The following LRP1B variants were observed in gnomAD, a reference collection of about 807,000 sequenced individuals.
The protein encoded by LRP1B is LDL receptor related protein 1B.
In LRP1B, 217 loss-of-function variants were observed where a neutral mutation model predicts 556.6. That is an observed-to-expected ratio of 0.39 (90% CI 0.35 to 0.44). The LOEUF is 0.44. Among genes scored for constraint, LRP1B ranks in the 20% least tolerant of loss-of-function variants. The pLI is 1.00. For synonymous variants in LRP1B, 2,047 were observed against 1,865.8 expected (o/e 1.10, Z -2.50); for missense variants, 5,053 against 5,620.8 (o/e 0.90, Z 3.23).
rs142988773 is a variant in LRP1B, at chr2:140,438,924, G to C, written c.10414+3580C>G. ...GGCATGAGTGCAGAGTTGACCACTA[G>C]AGACCAAACAGAAAATAACTGATAA... On this transcript the variant is annotated intron_variant, in intron 66 of 90. Transcript: ENST00000389484. Among the ~76,000 whole-genome samples the C allele has an allele frequency of 1.2e-4, 18 of 152,272 alleles. No homozygotes were observed. In the East Asian group the frequency reaches 3.1e-3, roughly 26 times the overall value.
intron 2 of LRP1B, among the ~76,000 whole-genome samples, chr2:141,660,747 G>T (rs1437425297): frequency 2.0e-5 from 3 of 152,110 alleles, no homozygotes; most frequent in Non-Finnish European, 4.4e-5. Flanking sequence ...TCTTTCCCCT[G>T]CTGGCTCTGA....
chr2:141,114,414 G>A (rs1284212044), intron 7 of LRP1B, among the ~76,000 whole-genome samples: 3 of 152,168 alleles, frequency 2.0e-5, no homozygotes, highest in African/African-American at 7.2e-5. Flanking sequence ...CTGAGTGATG[G>A]AGGTGGCTGT....
intron 31 of LRP1B, among the ~76,000 whole-genome samples, chr2:140,830,804 T>G: frequency 6.6e-6 from 1 of 152,062 alleles, no homozygotes; most frequent in African/African-American, 2.4e-5. Flanking sequence ...GATATTATAC[T>G]TAGGAAAACC....
At chr2:141,835,524 T>C (rs1188854592) in intron 1 of LRP1B, among the ~76,000 whole-genome samples, 1 of 151,568 alleles carries the variant, frequency 6.6e-6, no homozygotes, top group African/African-American at 2.4e-5. Flanking sequence ...TGGCATTTAA[T>C]ATATAATTGA....
At chr2:140,512,477 G>T (rs996638300) in intron 51 of LRP1B, among the ~76,000 whole-genome samples, 1 of 152,092 alleles carries the variant, frequency 6.6e-6, no homozygotes, top group Non-Finnish European at 1.5e-5. Flanking sequence ...GATCCATCTT[G>T]CACACCAACT....
At chr2:141,579,571 G>A (rs993258688) in intron 2 of LRP1B, among the ~76,000 whole-genome samples, 1 of 151,830 alleles carries the variant, frequency 6.6e-6, no homozygotes, top group African/African-American at 2.4e-5. Flanking sequence ...AGAATCTGGG[G>A]GTGGAAGGTG....
intron 5 of LRP1B, among the ~76,000 whole-genome samples, chr2:141,243,483 T>C (rs1290226003): frequency 3.3e-5 from 5 of 152,102 alleles, no homozygotes; most frequent in Non-Finnish European, 7.4e-5. Flanking sequence ...CTACATCTCT[T>C]AAAGAAAATA....
chr2:141,776,776 T>C (rs1254941987), intron 2 of LRP1B, among the ~76,000 whole-genome samples: 1 of 152,212 alleles, frequency 6.6e-6, no homozygotes, highest in African/African-American at 2.4e-5. Context: ...AAGTGCCTGA[T>C]TAAATGAAAT....
chr2:140,891,916 G>A (rs897005298), intron 23 of LRP1B, among the ~76,000 whole-genome samples: 12 of 151,966 alleles, frequency 7.9e-5, no homozygotes, highest in African/African-American at 2.9e-4. Context: ...TGTATGTCAA[G>A]TTCGTGATTT....
intron 79 of LRP1B, among the ~76,000 whole-genome samples, chr2:140,331,831 G>A (rs1374311925): frequency 6.6e-6 from 1 of 151,806 alleles, no homozygotes; most frequent in Non-Finnish European, 1.5e-5. Context: ...GAGTAGCTGG[G>A]ATTACAGGTA....
chr2:141,467,835 G>A (rs1559087115), intron 3 of LRP1B, among the ~76,000 whole-genome samples: 1 of 89,258 alleles, frequency 1.1e-5, no homozygotes. Context: ...GTTTGTTTGC[G>A]GACCGGGGGG....
At chr2:141,124,361 G>A (rs1701144417) in intron 7 of LRP1B, among the ~76,000 whole-genome samples, 2 of 152,190 alleles carry the variant, frequency 1.3e-5, no homozygotes, top group Admixed American at 6.6e-5. Flanking sequence ...AGCTATGATA[G>A]TTAGAATGCT....
chr2:140,576,115 C>T (rs181458499), intron 43 of LRP1B, among the ~76,000 whole-genome samples: 20 of 152,136 alleles, frequency 1.3e-4, no homozygotes, highest in Admixed American at 1.0e-3. Context: ...GTGCTGAAGA[C>T]GATCCATGGA....
chr2:141,418,467 CT>C (rs1680005331), intron 3 of LRP1B, among the ~76,000 whole-genome samples: 2 of 127,224 alleles, frequency 1.6e-5, no homozygotes, highest in African/African-American at 8.6e-5. Flanking sequence ...TACCCAGTTA[CT>C]CAACATCATT....
Position 141,020,033 on chromosome 2 carries a change from T to C in LRP1B, c.1859A>G (p.His620Arg), listed in dbSNP as rs1698020371. 1.9e-6 allele frequency: 3 copies of C among 1,612,126 alleles called. No individual in the cohort carries two copies. Among genetic ancestry groups the C allele is most frequent in the Non-Finnish European group, 2.5e-6 (3 of 1,178,692 alleles). The change falls in exon 12 of 91, where the codon CAT (histidine) becomes CGT (arginine). Residue 620 changes from histidine (H) to arginine (R), a missense_variant. Physicochemically the swap from His to Arg is conservative, Grantham distance 29 (BLOSUM62 0). This residue lies in a region of LRP1B where 3,619 missense variants were observed against 3,931.9 expected (regional missense o/e 0.92). Transcript: ENST00000389484. Reference protein sequence around the residue: ...GNNLYWTNDGHRKTINVARLE... With the variant: ...GNNLYWTNDGRRKTINVARLE... Reference sequence around the variant, plus strand: ...CCTGGCCACATTAATGGTTTTCCTATGGCCATCATTGGTCCAGTAAAGATT... The same window carrying C: ...CCTGGCCACATTAATGGTTTTCCTACGGCCATCATTGGTCCAGTAAAGATT...
intron 25 of LRP1B, among the ~76,000 whole-genome samples, chr2:140,880,473 G>C (rs575545677): frequency 4.6e-5 from 7 of 152,232 alleles, no homozygotes; most frequent in African/African-American, 1.7e-4. Context: ...TCACCTGGGA[G>C]ATCAGGTCAA....
At chr2:141,302,814 T>G (rs888027938) in intron 3 of LRP1B, among the ~76,000 whole-genome samples, 1 of 152,128 alleles carries the variant, frequency 6.6e-6, no homozygotes, top group African/African-American at 2.4e-5. Flanking sequence ...ATGTTATACA[T>G]GATTTAAGTA....
chr2:142,076,030 C>G (rs749389128), intron 1 of LRP1B, among the ~76,000 whole-genome samples: 4 of 152,058 alleles, frequency 2.6e-5, no homozygotes, highest in Non-Finnish European at 5.9e-5. Flanking sequence ...AACCACAGCC[C>G]CCTCCCACGT....
rs917424598 is a variant in LRP1B at position 141,775,388 on chromosome 2, G to A, written c.205+34891C>T. On this transcript the variant is annotated intron_variant, in intron 2 of 90. Coordinates refer to ENST00000389484, the MANE Select transcript of LRP1B (RefSeq NM_018557.3). ...CAGCTTTCCTTATTTTCATATATATGTGTGGTTCTTTGAATTTCCCCTGAA... is the reference window on the plus strand; with the variant it reads ...CAGCTTTCCTTATTTTCATATATATATGTGGTTCTTTGAATTTCCCCTGAA... Among the ~76,000 whole-genome samples, 6 of 152,138 alleles carry A rather than the reference G, an allele frequency of 3.9e-5. No homozygotes were observed. In the South Asian group the frequency reaches 8.3e-4, roughly 21 times the overall value.
Sources: gnomAD v4.1 joint callset for allele counts (sites outside exome capture counted in the v4.1 genomes callset) on GRCh38, gnomAD v4.1.1 for gene constraint, gnomAD v4.1.1 regional missense constraint, MANE v1.5 for transcripts, NCBI Gene and HGNC (gene_info 2026-07-23, HGNC 2026-07-21) for gene names.